COBL: variants seen among roughly 807,000 people sequenced by gnomAD.
COBL encodes the protein cordon-bleu WH2 repeat protein.
A neutral mutation model predicts 98.8 loss-of-function variants in COBL; 51 were observed. The ratio of observed to expected loss-of-function variants is 0.52; its 90% CI spans 0.41 to 0.65. The LOEUF (loss-of-function observed/expected upper bound fraction) is 0.65. Among genes scored for constraint, COBL ranks in the 30% least tolerant of loss-of-function variants. COBL has a pLI of 0.00. For missense variants in COBL, 1,617 were observed against 1,617.5 expected (o/e 1.00, Z 0.01); for synonymous variants, 634 against 651.7 (o/e 0.97, Z 0.41).
intron 8 of COBL, chr7:51,031,147 T>A (rs1437177533): frequency 3.9e-6 from 2 of 511,722 alleles, no homozygotes; most frequent in African/African-American, 1.9e-5. Context: ...ATGTGTGGAG[T>A]ATATGTCTTG....
chr7:51,305,003 T>C (rs937644564), intron 1 of COBL, among the ~76,000 whole-genome samples: 2 of 152,012 alleles, frequency 1.3e-5, no homozygotes, highest in African/African-American at 2.4e-5. Context: ...CCCCAGAGCA[T>C]AGCCCCCGCC....
chr7:51,288,502 C>T (rs539078691), intron 1 of COBL, among the ~76,000 whole-genome samples: 2 of 151,722 alleles, frequency 1.3e-5, no homozygotes, highest in East Asian at 3.9e-4. Flanking sequence ...CCTGTAATCC[C>T]AGCACTTTGT....
In COBL at chr7:51,029,277, C is replaced by A. The variant is rs2240090; in HGVS notation, c.1819G>T (p.Val607Phe). The change falls in exon 10 of 13, where the codon GTC (valine) becomes TTC (phenylalanine). Residue 607 changes from valine to phenylalanine, a missense_variant. Around this residue, in one of 3 missense-constraint regions of COBL, gnomAD observed 1,304 missense variants for 1,282.0 expected, o/e 1.02. Coordinates refer to ENST00000265136, the MANE Select transcript of COBL (RefSeq NM_015198.5). ...AAGGCCACACGGATTCCTTTTCCGA[C>A]GTCATGGGAAGCGGGGTGCAGGGCA... is the stretch of plus-strand genomic sequence containing the variant. ...VPALHPASHD[V>F]GKGIRVALSN... 4 of 1,606,852 alleles carry A rather than the reference C, an allele frequency of 2.5e-6. No homozygotes were observed. The highest frequency in any genetic ancestry group is 2.6e-6 in the Non-Finnish European group (3 of 1,175,686).
At chr7:51,073,627 A>G (rs1176733507) in intron 7 of COBL, among the ~76,000 whole-genome samples, 2 of 152,118 alleles carry the variant, frequency 1.3e-5, no homozygotes, top group African/African-American at 4.8e-5. Flanking sequence ...TATCATAAGC[A>G]TCACTTCCCT....
At chr7:51,081,621 C>T (rs1377394887) in intron 7 of COBL, among the ~76,000 whole-genome samples, 4 of 152,204 alleles carry the variant, frequency 2.6e-5, no homozygotes, top group Admixed American at 6.5e-5. Context: ...CAGGAGAAAG[C>T]GAGGGTCTGC....
intron 2 of COBL, among the ~76,000 whole-genome samples, chr7:51,208,435 G>GT (rs1317154893): frequency 3.3e-5 from 2 of 60,914 alleles, no homozygotes; most frequent in Non-Finnish European, 7.3e-5. Context: ...CGGGAGGGAG[G>GT]TGGGGGGGGT....
intron 1 of COBL, among the ~76,000 whole-genome samples, chr7:51,296,807 A>G (rs1801456763): frequency 6.6e-6 from 1 of 152,214 alleles, no homozygotes; most frequent in Non-Finnish European, 1.5e-5. Context: ...AGTGCGTTAC[A>G]AACACATATT....
chr7:51,065,478 C>A, intron 7 of COBL: 1 of 686,174 alleles, frequency 1.5e-6, no homozygotes, highest in South Asian at 1.5e-5. Flanking sequence ...AATTCAAAGT[C>A]AGGGCAGAGG....
chr7:51,190,864 C>T lies in COBL; in HGVS notation c.671G>A (p.Trp224Ter), dbSNP rs1178535697. 6.2e-7 allele frequency: 1 copy of T among 1,613,914 alleles called. No homozygotes were observed. Among genetic ancestry groups the T allele is most frequent in the Admixed American group, 1.7e-5 (1 of 59,982 alleles). ...NELGIKELYA[W>*]DNRRETFRKS... ...CGGGGCCTCACCTCTTCTGTTGTCC[C>T]ACGCGTAGAGCTCCTTTATCCCGAG... Residue 224 changes from tryptophan to a stop codon, truncating the protein, a stop_gained, in exon 4 of 13, where the codon TGG becomes TAG. Transcript: ENST00000265136. LOFTEE classifies it high-confidence loss of function.
chr7:51,052,274 A>C (rs1434678030), intron 7 of COBL, among the ~76,000 whole-genome samples: 1 of 152,218 alleles, frequency 6.6e-6, no homozygotes, highest in Non-Finnish European at 1.5e-5. Flanking sequence ...AAGTTCATTC[A>C]AACCTCATAA....
At chr7:51,278,266 A>G (rs1799490572) in intron 1 of COBL, among the ~76,000 whole-genome samples, 1 of 152,042 alleles carries the variant, frequency 6.6e-6, no homozygotes, top group South Asian at 2.1e-4. Context: ...CCCAAGGAAG[A>G]GCATGCTCAG....
At chr7:51,114,156 C>G (rs1797076031) in intron 6 of COBL, among the ~76,000 whole-genome samples, 1 of 152,186 alleles carries the variant, frequency 6.6e-6, no homozygotes, top group African/African-American at 2.4e-5. Context: ...CAAGTCTACG[C>G]TTGCCACAAG....
At chr7:51,025,030 A>T in intron 12 of COBL, 79 bp downstream of exon 12, 1 of 1,589,274 alleles carries the variant, frequency 6.3e-7, no homozygotes, top group African/African-American at 1.3e-5. Context: ...TCCTGCCCAC[A>T]GGCAAGCGTG....
At chr7:51,048,556 G>A (rs1025466221) in intron 7 of COBL, among the ~76,000 whole-genome samples, 3 of 151,868 alleles carry the variant, frequency 2.0e-5, no homozygotes, top group Non-Finnish European at 4.4e-5. Context: ...TTTAGAGCAT[G>A]TCTCTTCTTC....
Position 51,312,949 on chromosome 7 carries a change from CTCT to C in COBL, c.41+3641_41+3643del, listed in dbSNP as rs373325926. On this transcript the variant is annotated intron_variant, in intron 1 of 12. Transcript: ENST00000265136. ...GATATTGCAACACAGAAATGTCCAA[CTCT>C]TCTAATTTATTAGTAAATATTTTAA... 2.4e-3 allele frequency among the ~76,000 whole-genome samples: 372 copies of C among 152,198 alleles called. 6 individuals carry two copies. The South Asian group carries it at 0.038, about 16-fold the overall frequency.
intron 5 of COBL, among the ~76,000 whole-genome samples, chr7:51,181,532 A>G (rs1788954260): frequency 6.6e-6 from 1 of 152,234 alleles, no homozygotes; most frequent in Non-Finnish European, 1.5e-5. Flanking sequence ...ACTTTGTGTC[A>G]GCCACACCTT....
chr7:51,167,161 T>C (rs904775160), intron 5 of COBL, among the ~76,000 whole-genome samples: 1 of 152,146 alleles, frequency 6.6e-6, no homozygotes, highest in African/African-American at 2.4e-5. Flanking sequence ...AGAAGTCAAA[T>C]TATCCTTGTT....
chr7:51,299,342 T>G (rs1387740304), intron 1 of COBL, among the ~76,000 whole-genome samples: 1 of 152,258 alleles, frequency 6.6e-6, no homozygotes, highest in Non-Finnish European at 1.5e-5. Context: ...GCAAATCCTT[T>G]GCTTCGATTT....
In COBL at chr7:51,117,305, C is replaced by G. The variant is rs564555397; in HGVS notation, c.957+18853G>C. On this transcript the variant is annotated intron_variant, in intron 6 of 12. Transcript: ENST00000265136. ...GTTTTTTCAAATATTTTTTTCTCTTCTTATTCTGGAGTCAATAGAGTCCCA... is the reference window on the plus strand; with the variant it reads ...GTTTTTTCAAATATTTTTTTCTCTTGTTATTCTGGAGTCAATAGAGTCCCA... Among the ~76,000 whole-genome samples the G allele has an allele frequency of 3.3e-5, 5 of 151,342 alleles. No individual in the cohort carries two copies. The South Asian group carries it at 1.0e-3, about 32-fold the overall frequency.
Sources: gnomAD v4.1 joint callset for allele counts (sites outside exome capture counted in the v4.1 genomes callset) on GRCh38, gnomAD v4.1.1 for gene constraint, gnomAD v4.1.1 regional missense constraint, MANE v1.5 for transcripts, NCBI Gene and HGNC (gene_info 2026-07-23, HGNC 2026-07-21) for gene names.